The following PRSS3 variants were observed in gnomAD, a reference collection of about 807,000 sequenced individuals.
PRSS3 encodes the protein trypsin-3.
In PRSS3, 14 loss-of-function variants were observed where a neutral mutation model predicts 20.8. That is an observed-to-expected ratio of 0.67 (90% confidence interval 0.44 to 1.05). The LOEUF (loss-of-function observed/expected upper bound fraction) is 1.05. Among genes scored for constraint, PRSS3 ranks in the 50% least tolerant of loss-of-function variants. The pLI is 0.00. For synonymous variants in PRSS3, 91 were observed against 117.6 expected, an observed-to-expected ratio of 0.77 and a Z score of 1.46; for missense variants, 237 against 306.4, an observed-to-expected ratio of 0.77 and a Z score of 1.69.
At position 33,796,692 on chromosome 9, in the gene PRSS3, TGAG is replaced by T. The variant is rs3831310; in HGVS notation, c.94_96del (p.Glu32del). Reference sequence around the variant, plus strand: ...ACAAGATTGTTGGGGGCTACACCTGTGAGGAGAATTCTCTCCCCTACCAGGTGT... The same window carrying T: ...ACAAGATTGTTGGGGGCTACACCTGTGAGAATTCTCTCCCCTACCAGGTGT... On this transcript the variant is annotated inframe_deletion, in exon 2 of 5. Coordinates refer to ENST00000379405, the MANE Select transcript of PRSS3 (RefSeq NM_002771.4). The T allele has an allele frequency of 0.17, 270,011 of 1,610,864 alleles. 4,652 individuals carry two copies. The highest frequency in any genetic ancestry group is 0.28 in the South Asian group (25,606 of 90,698).
intron 1 of PRSS3, among the ~76,000 whole-genome samples, chr9:33,766,911 A>C (rs1292448597): frequency 1.3e-5 from 2 of 152,138 alleles, no homozygotes; most frequent in African/African-American, 4.8e-5. Flanking sequence ...AAAAATACCA[A>C]ATTAAACACC....
intron 1 of PRSS3, among the ~76,000 whole-genome samples, chr9:33,755,747 A>G (rs1459119251): frequency 2.0e-5 from 3 of 151,858 alleles, no homozygotes; most frequent in African/African-American, 4.8e-5. Context: ...ATCTCCAAGA[A>G]CTCATTTCCT....
At chr9:33,752,459 T>G (rs907087327) in intron 1 of PRSS3, among the ~76,000 whole-genome samples, 2 of 152,232 alleles carry the variant, frequency 1.3e-5, no homozygotes, top group Non-Finnish European at 2.9e-5. Context: ...GCAAAACATT[T>G]TATTGTAAGA....
At chr9:33,794,987 C>A, upstream of PRSS3, 1 of 1,403,510 alleles carries the variant, frequency 7.1e-7, no homozygotes, top group South Asian at 1.5e-5. Flanking sequence ...AATGCTAAGT[C>A]TCCCTTCTCC....
chr9:33,770,780 A>C (rs1168226875), intron 1 of PRSS3, among the ~76,000 whole-genome samples: 7 of 152,152 alleles, frequency 4.6e-5, no homozygotes, highest in Non-Finnish European at 1.0e-4. Flanking sequence ...ATGATTGTTT[A>C]ATCTGCCCAG....
intron 1 of PRSS3, among the ~76,000 whole-genome samples, chr9:33,763,630 C>A (rs1300572180): frequency 7.1e-6 from 1 of 140,884 alleles, no homozygotes; most frequent in African/African-American, 2.6e-5. Context: ...ACCCGGGAGG[C>A]GGAGCTTGCA....
intron 1 of PRSS3, among the ~76,000 whole-genome samples, chr9:33,770,830 G>A (rs1196520566): frequency 6.6e-6 from 1 of 152,154 alleles, no homozygotes; most frequent in Non-Finnish European, 1.5e-5. Context: ...ACCAGTATAT[G>A]TGGTGTACCC....
At chr9:33,771,569 C>A (rs905087286) in intron 1 of PRSS3, among the ~76,000 whole-genome samples, 1 of 151,056 alleles carries the variant, frequency 6.6e-6, no homozygotes. Flanking sequence ...TCAGGCAATC[C>A]GCCCGCCTCA....
At chr9:33,794,953 A>C, upstream of PRSS3, 1 of 1,519,288 alleles carries the variant, frequency 6.6e-7, no homozygotes, top group Non-Finnish European at 8.8e-7. Context: ...AAGGAGAGCC[A>C]TCTGGAAGCC....
At chr9:33,792,489 G>C (rs1441940888), upstream of PRSS3, among the ~76,000 whole-genome samples, 2 of 152,226 alleles carry the variant, frequency 1.3e-5, no homozygotes, top group Non-Finnish European at 2.9e-5. Context: ...CTGAGTTTTA[G>C]ATTGTTGATT....
intron 1 of PRSS3, chr9:33,786,466 G>T: frequency 1.4e-6 from 1 of 719,758 alleles, no homozygotes; most frequent in Non-Finnish European, 2.5e-6. Context: ...GAGAGATAAA[G>T]CAGAGACTTT....
intron 1 of PRSS3, among the ~76,000 whole-genome samples, chr9:33,781,973 ACC>A (rs1298841490): frequency 3.9e-5 from 6 of 152,004 alleles, no homozygotes; most frequent in Non-Finnish European, 8.8e-5. Context: ...GCAGTCAAGG[ACC>A]CCCTGGCTGG....
rs41315997 is a variant in PRSS3 at position 33,798,840 on chromosome 9, T to C, written c.592-188T>C. On this transcript the variant is annotated intron_variant, in intron 4 of 4. Transcript: ENST00000379405. ...GAGGAGGCTCCCTGCAGTGCCCCCATTGGGAAATGAGGGAGGCTCCCTTGT... is the reference window on the plus strand; with the variant it reads ...GAGGAGGCTCCCTGCAGTGCCCCCACTGGGAAATGAGGGAGGCTCCCTTGT... 0.074 allele frequency: 77,073 copies of C among 1,038,770 alleles called. 3,473 individuals carry two copies. The highest frequency in any genetic ancestry group is 0.087 in the Non-Finnish European group (61,595 of 707,230). The allele number at this position is 1,038,770 out of a possible 1,614,324, so 64.3% of individuals were successfully genotyped here.
chr9:33,770,016 A>C (rs1465767597), intron 1 of PRSS3, among the ~76,000 whole-genome samples: 3 of 152,174 alleles, frequency 2.0e-5, no homozygotes, highest in Non-Finnish European at 4.4e-5. Context: ...ATGGTGGCTC[A>C]TGCCTGTAAT....
Position 33,766,327 on chromosome 9 carries a change from A to G in PRSS3, c.-53+15600A>G, listed in dbSNP as rs1259381665. Among the ~76,000 whole-genome samples the G allele has an allele frequency of 2.0e-5, 3 of 149,986 alleles. No individual in the cohort carries two copies. In the Admixed American group the frequency reaches 2.0e-4, roughly 10 times the overall value. Reference sequence around the variant, plus strand: ...GGTGGCTCACGCCTGTAATCCCAGCACTTTGGGAGGCCGAGGTGGGTGGAT... The same window carrying G: ...GGTGGCTCACGCCTGTAATCCCAGCGCTTTGGGAGGCCGAGGTGGGTGGAT... On this transcript the variant is annotated intron_variant, in intron 1 of 5. Coordinates refer to the PRSS3 transcript ENST00000342836.
chr9:33,779,779 G>C (rs1824097197), intron 1 of PRSS3, among the ~76,000 whole-genome samples: 1 of 142,350 alleles, frequency 7.0e-6, no homozygotes, highest in Non-Finnish European at 1.5e-5. Context: ...TGAGGCAGGA[G>C]AATGGCGTGA....
At position 33,753,811 on chromosome 9, in the gene PRSS3, G is replaced by A. The variant is rs538528723; in HGVS notation, c.-53+3084G>A. Reference sequence around the variant, plus strand: ...CAAGAACAGAAAACCCTACTACAACGGCTTAAACAAGTAAGGAGTTTGTTT... The same window carrying A: ...CAAGAACAGAAAACCCTACTACAACAGCTTAAACAAGTAAGGAGTTTGTTT... On this transcript the variant is annotated intron_variant, in intron 1 of 5. Coordinates refer to the PRSS3 transcript ENST00000342836. Among the ~76,000 whole-genome samples, 19 of 152,310 alleles carry A rather than the reference G, an allele frequency of 1.2e-4. No individual in the cohort carries two copies. In the South Asian group the frequency reaches 3.7e-3, roughly 30 times the overall value.
chr9:33,785,472 C>T (rs1186981107), intron 1 of PRSS3, among the ~76,000 whole-genome samples: 3 of 152,124 alleles, frequency 2.0e-5, no homozygotes, highest in Non-Finnish European at 2.9e-5. Context: ...CCACCGCGCC[C>T]GGCCCATTGT....
chr9:33,766,383 C>T (rs542847993), intron 1 of PRSS3, among the ~76,000 whole-genome samples: 28 of 151,084 alleles, frequency 1.9e-4, no homozygotes, highest in African/African-American at 5.8e-4. Context: ...ACCATCCTGG[C>T]TAACACGGTG....
Sources: gnomAD v4.1 joint callset for allele counts (sites outside exome capture counted in the v4.1 genomes callset) on GRCh38, gnomAD v4.1.1 for gene constraint, MANE v1.5 for transcripts, NCBI Gene and HGNC (gene_info 2026-07-23, HGNC 2026-07-21) for gene names.